Variants in DGKI observed in about 807,000 individuals in gnomAD.
DGKI encodes the protein DAG kinase iota.
In DGKI, 55 loss-of-function variants were observed where a neutral mutation model predicts 147.5. That is an observed-to-expected ratio of 0.37 (90% CI 0.30 to 0.47). DGKI has a LOEUF of 0.47. Ranked by LOEUF, DGKI falls within the 20% of genes least tolerant of loss-of-function variation. The probability of loss-of-function intolerance (pLI) is 1.00; values close to 1 mark genes in which losing one functional copy is unlikely to be tolerated. For missense variants in DGKI, 1,007 were observed against 1,323.8 expected, an observed-to-expected ratio of 0.76 and a Z score of 3.71; for synonymous variants, 469 against 477.1, an observed-to-expected ratio of 0.98 and a Z score of 0.22.
At chr7:137,469,133 T>C (rs1365534890) in intron 24 of DGKI, among the ~76,000 whole-genome samples, 1 of 152,198 alleles carries the variant, frequency 6.6e-6, no homozygotes, top group African/African-American at 2.4e-5. Flanking sequence ...CAGAAATGTA[T>C]ACATCATACT....
intron 3 of DGKI, among the ~76,000 whole-genome samples, chr7:137,667,803 ATT>A (rs1822694989): frequency 6.6e-6 from 1 of 152,208 alleles, no homozygotes; most frequent in African/African-American, 2.4e-5. Flanking sequence ...CATCTCAGTC[ATT>A]GTTTACTCAA....
intron 1 of DGKI, among the ~76,000 whole-genome samples, chr7:137,755,740 A>C (rs1475710204): frequency 6.6e-6 from 1 of 152,198 alleles, no homozygotes; most frequent in Non-Finnish European, 1.5e-5. Context: ...CTGGAGGATA[A>C]TGGATGAGGA....
At chr7:137,764,065 A>T (rs186921096) in intron 1 of DGKI, among the ~76,000 whole-genome samples, 1 of 152,328 alleles carries the variant, frequency 6.6e-6, no homozygotes, top group African/African-American at 2.4e-5. Flanking sequence ...GACTTTGATC[A>T]GACACTATCA....
chr7:137,748,838 C>T (rs997671414), intron 1 of DGKI, among the ~76,000 whole-genome samples: 4 of 152,092 alleles, frequency 2.6e-5, no homozygotes, highest in Admixed American at 6.5e-5. Flanking sequence ...GTCTTAAAGA[C>T]ATCTGTTAAG....
intron 1 of DGKI, among the ~76,000 whole-genome samples, chr7:137,777,861 A>G (rs1342117098): frequency 6.6e-6 from 1 of 152,218 alleles, no homozygotes. Context: ...ATGAGTGAGA[A>G]GACAAAGGGA....
intron 5 of DGKI, among the ~76,000 whole-genome samples, chr7:137,652,518 T>C (rs1464623136): frequency 6.6e-6 from 1 of 152,192 alleles, no homozygotes; most frequent in African/African-American, 2.4e-5. Flanking sequence ...CCTCCTTCAA[T>C]TGAGTCACCA....
intron 1 of DGKI, among the ~76,000 whole-genome samples, chr7:137,711,845 C>A (rs1461063026): frequency 6.6e-6 from 1 of 151,790 alleles, no homozygotes; most frequent in Non-Finnish European, 1.5e-5. Context: ...AGGCGCCCAC[C>A]AACACACCCA....
intron 1 of DGKI, among the ~76,000 whole-genome samples, chr7:137,785,905 T>G (rs1404814885): frequency 1.3e-5 from 2 of 152,114 alleles, no homozygotes; most frequent in Non-Finnish European, 2.9e-5. Context: ...GAAAAAGCAT[T>G]TGACAAAATC....
intron 12 of DGKI, among the ~76,000 whole-genome samples, chr7:137,588,516 G>C (rs369251458): frequency 7.2e-6 from 1 of 138,644 alleles, no homozygotes; most frequent in South Asian, 2.3e-4. Flanking sequence ...TCAATCGGTC[G>C]TCCAGGCTGG....
intron 1 of DGKI, among the ~76,000 whole-genome samples, chr7:137,703,409 G>GA (rs1824052769): frequency 6.6e-6 from 1 of 152,176 alleles, no homozygotes. Context: ...ACATGCTCAG[G>GA]AAAAATCTGA....
chr7:137,591,375 G>A (rs1029982549), intron 12 of DGKI, among the ~76,000 whole-genome samples: 4 of 152,106 alleles, frequency 2.6e-5, no homozygotes, highest in African/African-American at 9.7e-5. Flanking sequence ...GCCTTTCACA[G>A]CACAGATTTT....
intron 19 of DGKI, among the ~76,000 whole-genome samples, chr7:137,567,356 T>G (rs1818623194): frequency 6.6e-6 from 1 of 151,668 alleles, no homozygotes; most frequent in Admixed American, 6.6e-5. Flanking sequence ...CTGCCAACAT[T>G]AAAAAAGGAG....
chr7:137,751,550 C>T (rs1388881230), intron 1 of DGKI, among the ~76,000 whole-genome samples: 2 of 152,208 alleles, frequency 1.3e-5, no homozygotes, highest in Non-Finnish European at 2.9e-5. Context: ...TTAGAATATG[C>T]TTGAGTATAG....
At chr7:137,690,265 T>C (rs1563152027) in intron 1 of DGKI, among the ~76,000 whole-genome samples, 1 of 152,168 alleles carries the variant, frequency 6.6e-6, no homozygotes, top group Non-Finnish European at 1.5e-5. Context: ...TATAATCCTC[T>C]ATTCAGAGTA....
At chr7:137,833,046 C>A (rs1344754590) in intron 1 of DGKI, among the ~76,000 whole-genome samples, 1 of 152,184 alleles carries the variant, frequency 6.6e-6, no homozygotes, top group Admixed American at 6.5e-5. Context: ...CCACTATGAG[C>A]ATTTTTGTCA....
chr7:137,426,074 A>T (rs1336017558), intron 28 of DGKI, among the ~76,000 whole-genome samples: 1 of 152,214 alleles, frequency 6.6e-6, no homozygotes, highest in South Asian at 2.1e-4. Flanking sequence ...CCTCGAGAAG[A>T]GCAACTCCAA....
At chr7:137,407,624 A>G (rs1448452323) in intron 30 of DGKI, among the ~76,000 whole-genome samples, 1 of 152,136 alleles carries the variant, frequency 6.6e-6, no homozygotes, top group Non-Finnish European at 1.5e-5. Context: ...AAAACTAATT[A>G]GTCTGAAAAA....
intron 17 of DGKI, 45 bp downstream of exon 17, chr7:137,577,177 T>A: frequency 7.2e-7 from 1 of 1,381,402 alleles, no homozygotes; most frequent in East Asian, 2.4e-5. Context: ...TTTGTGGCAG[T>A]CATATCATAT....
At chr7:137,493,090 C>T (rs779650674) in intron 21 of DGKI, among the ~76,000 whole-genome samples, 29 of 152,280 alleles carry the variant, frequency 1.9e-4, no homozygotes, top group Non-Finnish European at 2.5e-4. Context: ...GACGTATCTA[C>T]GACCCACTGT....
Sources: gnomAD v4.1 joint callset for allele counts (sites outside exome capture counted in the v4.1 genomes callset) on GRCh38, gnomAD v4.1.1 for gene constraint, MANE v1.5 for transcripts, NCBI Gene and HGNC (gene_info 2026-07-23, HGNC 2026-07-21) for gene names.